CERS6: variants seen among roughly 807,000 people sequenced by gnomAD.
CERS6 encodes the protein ceramide synthase 6, also known as LAG1 homolog, ceramide synthase 6.
In CERS6, 26 loss-of-function variants were observed where a neutral mutation model predicts 56.8. The ratio of observed to expected loss-of-function variants is 0.46; its 90% CI spans 0.34 to 0.63. CERS6 has a LOEUF of 0.63. CERS6 is among the 30% of genes least tolerant of loss of function. CERS6 has a pLI of 0.01. For synonymous variants in CERS6, 164 were observed against 173.3 expected (o/e 0.95, Z 0.42); for missense variants, 415 against 467.5 (o/e 0.89, Z 1.04).
At chr2:168,535,298 G>A (rs57494270) in intron 1 of CERS6, among the ~76,000 whole-genome samples, 265 of 152,322 alleles carry the variant, frequency 1.7e-3, no homozygotes, top group Middle Eastern at 0.017. Context: ...TTGAGAATCC[G>A]TGTGGCTCTG....
At chr2:168,499,289 G>A (rs977390932) in intron 1 of CERS6, among the ~76,000 whole-genome samples, 2 of 152,184 alleles carry the variant, frequency 1.3e-5, no homozygotes, top group African/African-American at 4.8e-5. Context: ...AAGCCAAAAG[G>A]CGAGGTTACG....
At chr2:168,471,238 T>C (rs959707974) in intron 1 of CERS6, among the ~76,000 whole-genome samples, 5 of 152,350 alleles carry the variant, frequency 3.3e-5, no homozygotes, top group East Asian at 1.9e-4. Context: ...AATCTCCTCA[T>C]TGGGAAGGGG....
intron 4 of CERS6, among the ~76,000 whole-genome samples, chr2:168,658,215 T>G (rs1685539780): frequency 6.6e-6 from 1 of 152,200 alleles, no homozygotes; most frequent in South Asian, 2.1e-4. Context: ...AGTCCTAGTT[T>G]ATACTCAATA....
chr2:168,712,478 A>C (rs1687116229), intron 6 of CERS6, among the ~76,000 whole-genome samples: 1 of 152,214 alleles, frequency 6.6e-6, no homozygotes, highest in Admixed American at 6.5e-5. Context: ...TATGATAGAT[A>C]AAATTAAGTC....
intron 3 of CERS6, among the ~76,000 whole-genome samples, chr2:168,577,637 C>T (rs1163210750): frequency 6.6e-6 from 1 of 152,118 alleles, no homozygotes; most frequent in Non-Finnish European, 1.5e-5. Flanking sequence ...GGAGCACAGT[C>T]AGGAGTTGCC....
At chr2:168,546,582 C>G (rs530737806) in intron 1 of CERS6, among the ~76,000 whole-genome samples, 1 of 152,266 alleles carries the variant, frequency 6.6e-6, no homozygotes, top group East Asian at 1.9e-4. Context: ...GTTCTTTAAT[C>G]TCATCAACTG....
intron 6 of CERS6, among the ~76,000 whole-genome samples, chr2:168,709,554 C>T (rs1470624873): frequency 6.6e-6 from 1 of 152,010 alleles, no homozygotes; most frequent in African/African-American, 2.4e-5. Flanking sequence ...GGTAGAATAG[C>T]AGGAGGTTGA....
chr2:168,567,937 A>G (rs1481229283), intron 3 of CERS6, among the ~76,000 whole-genome samples: 1 of 152,246 alleles, frequency 6.6e-6, no homozygotes, highest in African/African-American at 2.4e-5. Context: ...GACTATGGAC[A>G]GTCTGCTCTT....
intron 8 of CERS6, among the ~76,000 whole-genome samples, chr2:168,732,093 C>T (rs973522976): frequency 1.3e-5 from 2 of 152,156 alleles, no homozygotes; most frequent in African/African-American, 4.8e-5. Context: ...TTATTCATGG[C>T]ACTTGACCCC....
At chr2:168,489,420 T>C (rs1694328536) in intron 1 of CERS6, among the ~76,000 whole-genome samples, 1 of 152,122 alleles carries the variant, frequency 6.6e-6, no homozygotes, top group Non-Finnish European at 1.5e-5. Flanking sequence ...TTGTGTCTTT[T>C]AATGAGTGGG....
rs1305514904 is a variant in CERS6 at position 168,759,316 on chromosome 2, C to G, written c.846-6276C>G. Among the ~76,000 whole-genome samples the G allele has an allele frequency of 3.9e-5, 6 of 152,226 alleles. No homozygotes were observed. The South Asian group carries it at 8.3e-4, about 21-fold the overall frequency. The stretch of plus-strand genomic sequence containing the variant: ...AGAATGAGGGGTATAACCTGTAGAT[C>G]AAGTGTTTTCTGTACTGGGACTCAC... On this transcript the variant is annotated intron_variant, in intron 8 of 9. Transcript: ENST00000305747.
At chr2:168,714,888 C>T in intron 6 of CERS6, 113 bp from the exon 7 acceptor site, 3 of 889,722 alleles carry the variant, frequency 3.4e-6, no homozygotes, top group Non-Finnish European at 5.1e-6. Flanking sequence ...CCTTATTCAT[C>T]CTCAGTGCTA....
intron 4 of CERS6, among the ~76,000 whole-genome samples, chr2:168,658,694 C>T (rs146741579): frequency 1.2e-4 from 19 of 152,302 alleles, no homozygotes; most frequent in African/African-American, 4.6e-4. Flanking sequence ...ATGTATTATT[C>T]ATTTATTTCT....
At chr2:168,461,296 A>G (rs573789199) in intron 1 of CERS6, among the ~76,000 whole-genome samples, 23 of 152,190 alleles carry the variant, frequency 1.5e-4, no homozygotes, top group African/African-American at 5.5e-4. Flanking sequence ...AAAACTATGG[A>G]TACCTGCTTT....
intron 1 of CERS6, among the ~76,000 whole-genome samples, chr2:168,474,911 A>G (rs533928451): frequency 5.7e-4 from 87 of 152,180 alleles, no homozygotes; most frequent in Non-Finnish European, 1.1e-3. Flanking sequence ...GGGCTTCCTA[A>G]TAATTTATTA....
chr2:168,656,346 G>A (rs112295973), intron 4 of CERS6, among the ~76,000 whole-genome samples: 5 of 152,316 alleles, frequency 3.3e-5, no homozygotes, highest in Middle Eastern at 3.4e-3. Flanking sequence ...TATTGTGTCC[G>A]GAATTGGTGG....
chr2:168,509,405 A>G (rs1215130862), intron 1 of CERS6, among the ~76,000 whole-genome samples: 1 of 152,174 alleles, frequency 6.6e-6, no homozygotes, highest in South Asian at 2.1e-4. Context: ...TACAGCCCCA[A>G]TTTTCCACTT....
At chr2:168,766,812 A>C (rs1021775605) in intron 9 of CERS6, among the ~76,000 whole-genome samples, 3 of 152,202 alleles carry the variant, frequency 2.0e-5, no homozygotes, top group African/African-American at 7.2e-5. Flanking sequence ...TGACTCATCA[A>C]GGTCAACAGG....
chr2:168,686,132 G>A (rs1686344175), intron 4 of CERS6, among the ~76,000 whole-genome samples: 1 of 148,220 alleles, frequency 6.7e-6, no homozygotes, highest in South Asian at 2.3e-4. Flanking sequence ...GAGGCTGGAA[G>A]TTGCAGATAA....
Sources: gnomAD v4.1 joint callset for allele counts (sites outside exome capture counted in the v4.1 genomes callset) on GRCh38, gnomAD v4.1.1 for gene constraint, MANE v1.5 for transcripts, NCBI Gene and HGNC (gene_info 2026-07-23, HGNC 2026-07-21) for gene names.